Variants in TBC1D1 observed in about 807,000 individuals in gnomAD.
TBC1D1 encodes TBC1 (tre-2/USP6, BUB2, cdc16) domain family, member 1.
In TBC1D1, 89 loss-of-function variants were observed where a neutral mutation model predicts 125.6. The observed-to-expected ratio is 0.71, with a 90% CI of 0.60 to 0.85. TBC1D1 has a LOEUF of 0.85. TBC1D1 is among the 40% of genes least tolerant of loss of function. The pLI, the probability that TBC1D1 is intolerant of heterozygous loss-of-function variation, is 0.00. For synonymous variants in TBC1D1, 565 were observed against 564.1 expected, an observed-to-expected ratio of 1.00 and a Z score of -0.02; for missense variants, 1,377 against 1,469.2, an observed-to-expected ratio of 0.94 and a Z score of 1.03.
chr4:38,095,894 C>A, intron 13 of TBC1D1, 35 bp from the exon 16 acceptor site: 1 of 1,579,416 alleles, frequency 6.3e-7, no homozygotes, highest in Non-Finnish European at 8.6e-7. Flanking sequence ...ATAGCTGTAG[C>A]CTTTACTAAT....
Position 38,051,874 on chromosome 4 carries a change from C to G in TBC1D1, c.1910+1976C>G, listed in dbSNP as rs752418532. ...GCGCCCCCTCTCCTGCTAACCCCCC[C>G]GTGCTTTCTCTGATTGCTGTTTAGT... is the stretch of plus-strand genomic sequence containing the variant. On this transcript the variant is annotated intron_variant, in intron 11 of 19. Coordinates refer to ENST00000261439, the MANE Select transcript of TBC1D1 (RefSeq NM_015173.4). The G allele has an allele frequency of 5.8e-6, 9 of 1,544,402 alleles. No individual in the cohort carries two copies. The Admixed American group carries it at 9.9e-5, about 17-fold the overall frequency.
chr4:38,065,130 G>A (rs2152502252), intron 12 of TBC1D1, among the ~76,000 whole-genome samples: 1 of 152,164 alleles, frequency 6.6e-6, no homozygotes, highest in East Asian at 1.9e-4. Context: ...TAGAGACGGA[G>A]TTTTTCCATG....
chr4:38,130,803 G>A (rs114523281), intron 18 of TBC1D1, among the ~76,000 whole-genome samples: 3,576 of 152,214 alleles, frequency 0.023, 126 homozygotes, highest in African/African-American at 0.08. Context: ...TTTAATATTC[G>A]TCTGTTTTAT....
chr4:38,035,804 A>G (rs1315854378), intron 8 of TBC1D1, 106 bp downstream of exon 8: 11 of 818,370 alleles, frequency 1.3e-5, no homozygotes, highest in Admixed American at 7.9e-5. Context: ...TTTTCTCCCT[A>G]TGTTTTATTT....
chr4:37,951,205 C>T (rs16994092), intron 2 of TBC1D1, among the ~76,000 whole-genome samples: 12,480 of 152,094 alleles, frequency 0.082, 616 homozygotes, highest in Middle Eastern at 0.13. Context: ...TGTCTTTGGG[C>T]GCTATTTACT....
chr4:38,017,683 T>C (rs1373459909), intron 3 of TBC1D1, among the ~76,000 whole-genome samples: 2 of 152,204 alleles, frequency 1.3e-5, no homozygotes, highest in Admixed American at 6.5e-5. Context: ...TTCTTGGTCC[T>C]GAGGAGAAAC....
At chr4:37,969,226 T>C (rs1487508788) in intron 2 of TBC1D1, among the ~76,000 whole-genome samples, 1 of 152,198 alleles carries the variant, frequency 6.6e-6, no homozygotes, top group Non-Finnish European at 1.5e-5. Flanking sequence ...AGACATATCA[T>C]TCACACTATA....
At chr4:37,955,664 G>A (rs535553270) in intron 2 of TBC1D1, among the ~76,000 whole-genome samples, 1 of 152,222 alleles carries the variant, frequency 6.6e-6, no homozygotes, top group South Asian at 2.1e-4. Context: ...TGGGTAAAGA[G>A]GGTCAACTGT....
intron 6 of TBC1D1, 69 bp downstream of exon 6, chr4:38,021,787 AC>A: frequency 7.3e-7 from 1 of 1,374,594 alleles, no homozygotes. Flanking sequence ...TTTAGATGAT[AC>A]TCATCTGTTG....
intron 2 of TBC1D1, among the ~76,000 whole-genome samples, chr4:37,990,320 T>TC (rs1736293950): frequency 1.3e-5 from 1 of 75,444 alleles, no homozygotes; most frequent in African/African-American, 7.1e-5. Context: ...AAACATTGAG[T>TC]TTTTTTTTTT....
chr4:37,947,701 A>G (rs566282753), intron 2 of TBC1D1, among the ~76,000 whole-genome samples: 3 of 152,214 alleles, frequency 2.0e-5, no homozygotes, highest in African/African-American at 4.8e-5. Context: ...CTATAAAACT[A>G]TAGAAGACGC....
chr4:37,996,560 A>G (rs1737847516), intron 2 of TBC1D1, among the ~76,000 whole-genome samples: 1 of 152,244 alleles, frequency 6.6e-6, no homozygotes, highest in Non-Finnish European at 1.5e-5. Flanking sequence ...CAGAATGAAG[A>G]TCTGGGTTCT....
chr4:38,135,922 A>ATG (rs201054650), intron 19 of TBC1D1, among the ~76,000 whole-genome samples: 7 of 76,842 alleles, frequency 9.1e-5, no homozygotes, highest in African/African-American at 1.6e-4. Flanking sequence ...GTGTGTGTGT[A>ATG]TATGTGTGTG....
chr4:37,932,055 A>AT (rs1723376556), intron 2 of TBC1D1, among the ~76,000 whole-genome samples: 1 of 152,156 alleles, frequency 6.6e-6, no homozygotes, highest in East Asian at 1.9e-4. Flanking sequence ...CTCATCTGTC[A>AT]TTGTTTTTCC....
At chr4:37,974,717 C>A (rs1345433104) in intron 2 of TBC1D1, among the ~76,000 whole-genome samples, 1 of 152,158 alleles carries the variant, frequency 6.6e-6, no homozygotes, top group Non-Finnish European at 1.5e-5. Context: ...GCCATCACGC[C>A]TGGCTAATTT....
At chr4:37,962,301 T>G (rs1436680650) in intron 2 of TBC1D1, among the ~76,000 whole-genome samples, 1 of 152,232 alleles carries the variant, frequency 6.6e-6, no homozygotes, top group African/African-American at 2.4e-5. Flanking sequence ...CATCACATTC[T>G]GTAAATGGTA....
At chr4:37,934,951 A>ACT (rs141945952) in intron 2 of TBC1D1, among the ~76,000 whole-genome samples, 3,954 of 151,252 alleles carry the variant, frequency 0.026, 97 homozygotes, top group African/African-American at 0.058. Context: ...GACTGAGTGG[A>ACT]CTCTCTCTCT....
chr4:38,087,399 C>T (rs953881629), intron 12 of TBC1D1, among the ~76,000 whole-genome samples: 2 of 152,184 alleles, frequency 1.3e-5, no homozygotes, highest in Non-Finnish European at 2.9e-5. Context: ...GCCTGAGTTA[C>T]ACCTGCTCAT....
rs148233374 is a variant in TBC1D1 at position 37,902,500 on chromosome 4, T to C, written c.405T>C (p.Asp135=). The C allele has an allele frequency of 5.0e-5, 80 of 1,595,804 alleles. No individual in the cohort carries two copies. The highest frequency in any genetic ancestry group is 1.7e-5 in the Admixed American group (1 of 58,018). ...GTATCTGCTATGTGTTCAAAGCCGA[T>C]GATCAAACAAAAGTAAGTGAGATGG... is the stretch of plus-strand genomic sequence containing the variant. The change falls in exon 2 of 20, where the codon GAT becomes GAC. Residue 135 remains aspartate (D), a synonymous_variant. Coordinates refer to ENST00000261439, the MANE Select transcript of TBC1D1 (RefSeq NM_015173.4).
Sources: gnomAD v4.1 joint callset for allele counts (sites outside exome capture counted in the v4.1 genomes callset) on GRCh38, gnomAD v4.1.1 for gene constraint, MANE v1.5 for transcripts, NCBI Gene and HGNC (gene_info 2026-07-23, HGNC 2026-07-21) for gene names.